Variants in FRMPD4 observed in about 807,000 individuals in gnomAD.
FRMPD4 encodes the protein FERM and PDZ domain-containing protein 4.
Under a neutral mutation model 94.1 loss-of-function variants are expected in FRMPD4, and 22 were observed. The observed-to-expected ratio is 0.23, with a 90% CI of 0.17 to 0.33. The LOEUF is 0.33. Among genes scored for constraint, FRMPD4 ranks in the 10% least tolerant of loss-of-function variants. The pLI, the probability that FRMPD4 is intolerant of heterozygous loss-of-function variation, is 1.00. For synonymous variants in FRMPD4, 631 were observed against 548.6 expected (o/e 1.15, Z -2.10); for missense variants, 1,111 against 1,339.9 (o/e 0.83, Z 2.67).
chrX:12,659,630 C>A (rs1477221481), intron 4 of FRMPD4, among the ~76,000 whole-genome samples: 1 of 112,738 alleles, frequency 8.9e-6, no homozygotes, highest in Non-Finnish European at 1.9e-5. Context: ...CACTGAGGAT[C>A]ACTGATATAT....
At chrX:12,577,204 A>T (rs2058820001) in intron 2 of FRMPD4, among the ~76,000 whole-genome samples, 1 of 50,242 alleles carries the variant, frequency 2.0e-5, no homozygotes. Flanking sequence ...TTTCTAAAAT[A>T]AATCACCAAA....
chrX:12,405,325 A>T (rs1335053753), intron 1 of FRMPD4, among the ~76,000 whole-genome samples: 4 of 111,679 alleles, frequency 3.6e-5, no homozygotes, highest in Non-Finnish European at 7.5e-5. Context: ...CAGTCAGAAA[A>T]GTTTCTCCAG....
chrX:12,462,225 CT>C (rs1177797124), intron 1 of FRMPD4, among the ~76,000 whole-genome samples: 1 of 111,503 alleles, frequency 9.0e-6, no homozygotes, highest in Non-Finnish European at 1.9e-5. Context: ...TCCAAACCAC[CT>C]CCTGTGTTTT....
chrX:12,376,734 G>C (rs1306166450), intron 1 of FRMPD4, among the ~76,000 whole-genome samples: 2 of 112,752 alleles, frequency 1.8e-5, no homozygotes, highest in African/African-American at 6.4e-5. Flanking sequence ...CCATTTGTAA[G>C]ATATTGGGTG....
intron 1 of FRMPD4, among the ~76,000 whole-genome samples, chrX:12,468,399 A>G (rs2057472431): frequency 8.9e-6 from 1 of 112,097 alleles, no homozygotes; most frequent in Admixed American, 9.5e-5. Flanking sequence ...GCAAGATTGC[A>G]TAAAATGAAA....
intron 1 of FRMPD4, among the ~76,000 whole-genome samples, chrX:12,408,072 G>A (rs1043134812): frequency 1.8e-5 from 2 of 108,338 alleles, no homozygotes; most frequent in Admixed American, 2.0e-4. Context: ...CTCACAAACG[G>A]AAGCCATGTC....
chrX:12,210,877 G>A (rs894773548), intron 1 of FRMPD4, among the ~76,000 whole-genome samples: 13 of 112,277 alleles, frequency 1.2e-4, no homozygotes, highest in African/African-American at 2.9e-4. Flanking sequence ...ATCAAACACC[G>A]AAATGTTAAA....
chrX:12,661,242 C>T (rs1212415183), intron 4 of FRMPD4, among the ~76,000 whole-genome samples: 2 of 112,064 alleles, frequency 1.8e-5, no homozygotes, highest in African/African-American at 3.2e-5. Context: ...TCCCTAGTAT[C>T]ACAGACAAAA....
At chrX:12,038,417 T>C (rs762560813) in intron 3 of FRMPD4, among the ~76,000 whole-genome samples, 2 of 112,540 alleles carry the variant, frequency 1.8e-5, no homozygotes, top group East Asian at 5.6e-4. Context: ...TCGTTCTTTA[T>C]ATATTCTAGG....
At chrX:12,066,779 C>G (rs1282259153) in intron 3 of FRMPD4, among the ~76,000 whole-genome samples, 2 of 107,759 alleles carry the variant, frequency 1.9e-5, no homozygotes, top group Non-Finnish European at 3.8e-5. Flanking sequence ...GTGGGAAACC[C>G]TATTGTAAAA....
intron 1 of FRMPD4, among the ~76,000 whole-genome samples, chrX:12,449,988 CAAAAG>C (rs2057245799): frequency 1.9e-5 from 2 of 107,175 alleles, no homozygotes; most frequent in African/African-American, 6.8e-5. Context: ...GACCTTGTCT[CAAAAG>C]AAAAGAAAAA....
intron 1 of FRMPD4, among the ~76,000 whole-genome samples, chrX:11,858,095 C>T (rs1338914901): frequency 9.0e-6 from 1 of 111,662 alleles, no homozygotes; most frequent in Non-Finnish European, 1.9e-5. Flanking sequence ...AAGGCTTATG[C>T]ACTGTTGGTG....
chrX:12,042,028 A>G (rs6640874), intron 3 of FRMPD4, among the ~76,000 whole-genome samples: 6,878 of 111,062 alleles, frequency 0.062, 247 homozygotes, highest in East Asian at 0.23. Context: ...TAGAATTTCA[A>G]TTTGGTTCTT....
intron 3 of FRMPD4, among the ~76,000 whole-genome samples, chrX:11,945,495 G>T (rs2054183927): frequency 8.9e-6 from 1 of 111,743 alleles, no homozygotes; most frequent in Non-Finnish European, 1.9e-5. Flanking sequence ...AGTCCATTTT[G>T]TGTTGCTATA....
intron 1 of FRMPD4, among the ~76,000 whole-genome samples, chrX:12,471,142 A>G (rs1432489386): frequency 9.0e-6 from 1 of 111,451 alleles, no homozygotes; most frequent in Non-Finnish European, 1.9e-5. Flanking sequence ...CATTCTCCTC[A>G]AATTATCTTT....
At chrX:12,478,401 G>A (rs1206307229) in intron 1 of FRMPD4, among the ~76,000 whole-genome samples, 3 of 111,470 alleles carry the variant, frequency 2.7e-5, no homozygotes, top group East Asian at 2.8e-4. Flanking sequence ...TAGCAAGACC[G>A]TCCTCTCTGT....
intron 4 of FRMPD4, among the ~76,000 whole-genome samples, chrX:12,630,998 T>C (rs2059390724): frequency 9.0e-6 from 1 of 111,391 alleles, no homozygotes; most frequent in South Asian, 3.8e-4. Flanking sequence ...TCTTAAATCT[T>C]CAACACAGAG....
chrX:12,277,100 G>A (rs1225008285), intron 1 of FRMPD4, among the ~76,000 whole-genome samples: 3 of 88,331 alleles, frequency 3.4e-5, no homozygotes, highest in South Asian at 6.0e-4. Context: ...CAGCCTGGGC[G>A]ACAGAGCGAG....
rs1342120902 is a variant in FRMPD4 at position 12,341,488 on chromosome X, CATTGTT to C, written c.42-157182_42-157177del. 1.7e-5 allele frequency: 3 copies of C among 173,582 alleles called. No homozygotes were observed. In the East Asian group the frequency reaches 4.4e-4, roughly 25 times the overall value. 14.3% of individuals were successfully genotyped at this position (173,582 alleles called of 1,213,427 possible). ...TTTCCCAAACTATTGTTATTGTTGC[CATTGTT>C]ATTGTTATTAACATACACCATTTAC... On this transcript the variant is annotated intron_variant, in intron 1 of 16. Coordinates refer to ENST00000675598, the MANE Select transcript of FRMPD4 (RefSeq NM_001368397.1).
Sources: allele counts gnomAD v4.1 joint callset (sites outside exome capture counted in the v4.1 genomes callset), GRCh38; gene constraint gnomAD v4.1.1; transcripts MANE v1.5; gene names NCBI Gene and HGNC (gene_info 2026-07-23, HGNC 2026-07-21).